MDH1B: variants seen among roughly 807,000 people sequenced by gnomAD.
The protein encoded by MDH1B is putative malate dehydrogenase 1B.
A neutral mutation model predicts 61.4 loss-of-function variants in MDH1B; 60 were observed. The observed-to-expected ratio is 0.98, with a 90% CI of 0.79 to 1.21. MDH1B has a LOEUF of 1.21. Ranked by LOEUF, MDH1B falls within the 50% of genes most tolerant of loss-of-function variation. MDH1B has a pLI of 0.00. For missense variants in MDH1B, 587 were observed against 632.1 expected, an observed-to-expected ratio of 0.93 and a Z score of 0.76; for synonymous variants, 236 against 218.7, an observed-to-expected ratio of 1.08 and a Z score of -0.70.
chr2:206,756,843 T>C, intron 4 of MDH1B, 55 bp downstream of exon 4: 1 of 1,588,612 alleles, frequency 6.3e-7, no homozygotes, highest in African/African-American at 1.3e-5. Flanking sequence ...CATCTCATTG[T>C]CCTTTCTAAA....
chr2:206,738,301 A>G lies in MDH1B; in HGVS notation c.*182T>C, dbSNP rs1687601666. On this transcript the variant is annotated 3_prime_UTR_variant, in exon 12 of 12. Coordinates refer to ENST00000374412, the MANE Select transcript of MDH1B (RefSeq NM_001039845.3). ...GAAACAAACATGAGTGGATACAAGTAATGCAAAATGACGGAACTCTGACCT... is the reference window on the plus strand; with the variant it reads ...GAAACAAACATGAGTGGATACAAGTGATGCAAAATGACGGAACTCTGACCT... 1.8e-5 allele frequency: 8 copies of G among 434,162 alleles called. No individual in the cohort carries two copies. The South Asian group carries it at 6.4e-4, about 35-fold the overall frequency. The allele number at this position is 434,162 out of a possible 1,614,324, so 26.9% of individuals were successfully genotyped here.
intron 5 of MDH1B, among the ~76,000 whole-genome samples, chr2:206,754,160 C>T (rs1210290756): frequency 6.6e-6 from 1 of 152,130 alleles, no homozygotes; most frequent in Non-Finnish European, 1.5e-5. Context: ...ATAGCTCTGG[C>T]TATAATGTTA....
rs757429198 is a variant in MDH1B at position 206,751,027 on chromosome 2, A to G, written c.959T>C (p.Val320Ala). The G allele has an allele frequency of 5.6e-6, 9 of 1,608,774 alleles. No homozygotes were observed. In the African/African-American group the frequency reaches 6.7e-5, roughly 12 times the overall value. The change falls in exon 6 of 12, where the codon GTT becomes GCT. Residue 320 changes from valine (V) to alanine (A), a missense_variant. Transcript: ENST00000374412. ...IWGNISGNNY[V>A]DLRKTRVYRY... ...GTACACCCTTGTTTTTCTCAGATCA[A>G]CGTAATTATTTCCACTGATATTACC...
At chr2:206,746,541 T>G in intron 7 of MDH1B, 115 bp from the exon 8 acceptor site, 1 of 1,144,024 alleles carries the variant, frequency 8.7e-7, no homozygotes, top group Non-Finnish European at 1.2e-6. Context: ...ATGATAATGA[T>G]GGAATTAAAT....
chr2:206,741,174 G>A, intron 9 of MDH1B, 70 bp from the exon 10 acceptor site: 1 of 1,591,818 alleles, frequency 6.3e-7, no homozygotes, highest in Non-Finnish European at 8.6e-7. Flanking sequence ...GTCATGAGAT[G>A]TTCTGAGTCA....
At chr2:206,742,426 C>T (rs994090892) in intron 9 of MDH1B, among the ~76,000 whole-genome samples, 2 of 152,286 alleles carry the variant, frequency 1.3e-5, no homozygotes, top group South Asian at 2.1e-4. Context: ...AACAGCTTCC[C>T]CATACCCAGT....
In MDH1B at chr2:206,750,976, G is replaced by A; in HGVS notation, c.1010C>T (p.Pro337Leu). The A allele has an allele frequency of 6.2e-7, 1 of 1,610,822 alleles. No homozygotes were observed. Among genetic ancestry groups the A allele is most frequent in the Non-Finnish European group, 8.5e-7 (1 of 1,178,298 alleles). Residue 337 changes from proline to leucine, a missense_variant, in exon 6 of 12, where the codon CCT (proline) becomes CTT (leucine). By Grantham distance (98) the Pro-to-Leu change is moderately conservative. Transcript: ENST00000374412. Reference protein sequence around the residue: ...VYRYESAIWGPLHYSRPVLNL... With the variant: ...VYRYESAIWGLLHYSRPVLNL... ...TAAAACAGGGCGTGAATAATGAAGA[G>A]GTCCCCAAATGGCACTCTCATATCT...
rs138891209 is a variant in MDH1B, at chr2:206,751,364, C to T, written c.911-289G>A. 2.2e-3 allele frequency among the ~76,000 whole-genome samples: 340 copies of T among 152,212 alleles called. 2 individuals are homozygous for T. Among genetic ancestry groups the T allele is most frequent in the African/African-American group, 7.6e-3 (316 of 41,534 alleles). On this transcript the variant is annotated intron_variant, in intron 5 of 11. Coordinates refer to ENST00000374412, the MANE Select transcript of MDH1B (RefSeq NM_001039845.3). ...GAAACTGCTACTGAAAATTATTTCA[C>T]TGGTGTTTGTCCTGACTTTGCTTAC...
intron 7 of MDH1B, among the ~76,000 whole-genome samples, chr2:206,747,148 C>T (rs952815208): frequency 1.3e-5 from 1 of 78,910 alleles, no homozygotes; most frequent in Non-Finnish European, 2.7e-5. Flanking sequence ...ACAAAAATAT[C>T]ACCAGGGCAA....
intron 1 of MDH1B, among the ~76,000 whole-genome samples, chr2:206,762,356 G>A (rs1689149105): frequency 1.3e-5 from 2 of 152,062 alleles, no homozygotes; most frequent in African/African-American, 2.4e-5. Flanking sequence ...GTCTGTACTT[G>A]GACTCATCCT....
Position 206,756,927 on chromosome 2 carries a change from G to A in MDH1B, c.384C>T (p.Cys128=), listed in dbSNP as rs145641921. The part of the protein sequence containing the change: ...KEQEEEALKT[C]INPLQVWITS... ...TGATCCAGACCTGCAAGGGGTTGAT[G>A]CAAGTTTTCAGGGCTTCTTCCTCCT... Residue 128 remains cysteine, a synonymous_variant, in exon 4 of 12, where the codon TGC becomes TGT. Coordinates refer to ENST00000374412, the MANE Select transcript of MDH1B (RefSeq NM_001039845.3). 69 of 1,614,170 alleles carry A rather than the reference G, an allele frequency of 4.3e-5. No individual in the cohort carries two copies. The African/African-American group carries it at 9.1e-4, about 21-fold the overall frequency.
intron 7 of MDH1B, among the ~76,000 whole-genome samples, chr2:206,748,248 A>T (rs6435348): frequency 6.6e-6 from 1 of 152,074 alleles, no homozygotes; most frequent in South Asian, 2.1e-4. Flanking sequence ...GCATAGTGGC[A>T]TGCGCCTGTG....
rs138144990 is a variant in MDH1B at position 206,749,185 on chromosome 2, T to C, written c.1053-2A>G. ...ACAAATTCTCTTTTTACCCACTCAC[T>C]GTAAGGAGAGAAAGAAACAATTTTA... On this transcript the variant is annotated splice_acceptor_variant, in intron 6 of 11. Coordinates refer to ENST00000374412, the MANE Select transcript of MDH1B (RefSeq NM_001039845.3). LOFTEE classifies it high-confidence loss of function. The C allele has an allele frequency of 2.0e-5, 33 of 1,613,382 alleles. No individual in the cohort carries two copies. The highest frequency in any genetic ancestry group is 2.6e-5 in the Non-Finnish European group (31 of 1,179,736).
At chr2:206,765,046 T>C (rs574686436) in intron 1 of MDH1B, among the ~76,000 whole-genome samples, 2 of 152,334 alleles carry the variant, frequency 1.3e-5, no homozygotes, top group African/African-American at 4.8e-5. Context: ...AAAGCTCCTC[T>C]AAGGCAGGGA....
chr2:206,753,085 G>A (rs889399263), intron 5 of MDH1B, among the ~76,000 whole-genome samples: 1 of 152,110 alleles, frequency 6.6e-6, no homozygotes, highest in African/African-American at 2.4e-5. Flanking sequence ...GTGAGTCTGG[G>A]ATGCCAGTGA....
intron 11 of MDH1B, 22 bp downstream of exon 11, chr2:206,739,571 T>A (rs779503685): frequency 6.2e-7 from 1 of 1,602,780 alleles, no homozygotes; most frequent in Non-Finnish European, 8.5e-7. Flanking sequence ...AAATACTAGT[T>A]AATGTTTTGT....
chr2:206,751,553 C>A (rs944683115), intron 5 of MDH1B, among the ~76,000 whole-genome samples: 1 of 152,092 alleles, frequency 6.6e-6, no homozygotes, highest in East Asian at 1.9e-4. Flanking sequence ...TCATCTCTGG[C>A]AAAATGAGGA....
At chr2:206,759,646 G>A (rs1464734313) in intron 2 of MDH1B, among the ~76,000 whole-genome samples, 2 of 152,148 alleles carry the variant, frequency 1.3e-5, no homozygotes, top group Non-Finnish European at 2.9e-5. Flanking sequence ...GTATGAGATG[G>A]AATCTTATTG....
chr2:206,760,840 T>G (rs1352466216), intron 2 of MDH1B, 61 bp downstream of exon 2: 4 of 936,616 alleles, frequency 4.3e-6, no homozygotes, highest in Non-Finnish European at 6.9e-6. Flanking sequence ...AGTTAATATT[T>G]AATCAAATTA....
Sources: allele counts gnomAD v4.1 joint callset (sites outside exome capture counted in the v4.1 genomes callset), GRCh38; gene constraint gnomAD v4.1.1; transcripts MANE v1.5; gene names NCBI Gene and HGNC (gene_info 2026-07-23, HGNC 2026-07-21).